The following PCGF5 variants were observed in gnomAD, a reference collection of about 807,000 sequenced individuals.
PCGF5 encodes the protein polycomb group ring finger 5.
In PCGF5, 9 loss-of-function variants were observed where a neutral mutation model predicts 44.3. The observed-to-expected ratio is 0.20, with a 90% confidence interval of 0.12 to 0.35. The LOEUF (loss-of-function observed/expected upper bound fraction) is 0.35. Among genes scored for constraint, PCGF5 ranks in the 10% least tolerant of loss-of-function variants. PCGF5 has a pLI of 1.00. For missense variants in PCGF5, 146 were observed against 305.3 expected, an observed-to-expected ratio of 0.48 and a Z score of 3.89; for synonymous variants, 95 against 102.5, an observed-to-expected ratio of 0.93 and a Z score of 0.44.
intron 1 of PCGF5, among the ~76,000 whole-genome samples, chr10:91,208,253 T>C (rs1229550858): frequency 6.6e-6 from 1 of 152,236 alleles, no homozygotes; most frequent in Non-Finnish European, 1.5e-5. Flanking sequence ...GTTGTAAATA[T>C]GGACTCATGG....
chr10:91,167,762 G>A lies in PCGF5; in HGVS notation c.-184+4681G>A, dbSNP rs1189798859. On this transcript the variant is annotated intron_variant, in intron 1 of 9. Coordinates refer to the PCGF5 transcript ENST00000614189. The stretch of plus-strand genomic sequence containing the variant: ...GGGGGAATGATGTGATCAAGACTAT[G>A]CTTTAAGAGATTAATCTTCATCACA... Among the ~76,000 whole-genome samples, 9 of 152,312 alleles carry A rather than the reference G, an allele frequency of 5.9e-5. No homozygotes were observed. The East Asian group carries it at 1.2e-3, about 20-fold the overall frequency.
At chr10:91,224,294 A>T (rs1363236712) in intron 2 of PCGF5, among the ~76,000 whole-genome samples, 1 of 152,174 alleles carries the variant, frequency 6.6e-6, no homozygotes, top group Non-Finnish European at 1.5e-5. Flanking sequence ...ATTAGCAATT[A>T]ACTATGTACT....
chr10:91,271,027 T>C (rs1846168048), intron 8 of PCGF5, among the ~76,000 whole-genome samples: 1 of 151,084 alleles, frequency 6.6e-6, no homozygotes, highest in Admixed American at 6.6e-5. Context: ...TCATAAAACA[T>C]CTGATGGCTG....
rs546360469 is a variant in PCGF5, at chr10:91,251,419, A to G, written c.453A>G (p.Gln151=). 63 of 1,611,330 alleles carry G rather than the reference A, an allele frequency of 3.9e-5. 1 individual carries two copies. The highest frequency in any genetic ancestry group is 2.5e-4 in the African/African-American group (19 of 74,884). Residue 151 remains glutamine (Q), a synonymous_variant, in exon 6 of 10, where the codon CAA becomes CAG. Coordinates refer to ENST00000336126, the MANE Select transcript of PCGF5 (RefSeq NM_032373.5). ...ICLDCLRNNG[Q]SGDNVVKGLM... is the part of the protein sequence containing the mutation. ...TAGATTGTTTACGAAATAATGGGCA[A>G]TCAGGGGACAATGTAGTAAAGGTGA...
intron 3 of PCGF5, among the ~76,000 whole-genome samples, chr10:91,242,253 C>G (rs1845346760): frequency 6.6e-6 from 1 of 150,924 alleles, no homozygotes; most frequent in Non-Finnish European, 1.5e-5. Context: ...CAAAATTTAT[C>G]CAGCCTCAAA....
intron 1 of PCGF5, among the ~76,000 whole-genome samples, chr10:91,174,597 T>C (rs1230247921): frequency 6.6e-6 from 1 of 152,232 alleles, no homozygotes; most frequent in Non-Finnish European, 1.5e-5. Context: ...AATTAATAGA[T>C]TAAAAATAGA....
intron 6 of PCGF5, 141 bp downstream of exon 6, chr10:91,251,581 C>CATGCTTAGAATGTCA (rs1315763492): frequency 2.4e-6 from 2 of 834,042 alleles, no homozygotes; most frequent in African/African-American, 3.5e-5. Flanking sequence ...CATTCTTTGA[C>CATGCTTAGAATGTCA]AATCCTATGC....
Position 91,222,949 on chromosome 10 carries a change from C to T in PCGF5, c.78C>T (p.Ile26=), listed in dbSNP as rs1458404474. 6.2e-7 allele frequency: 1 copy of T among 1,610,970 alleles called. No homozygotes were observed. The highest frequency in any genetic ancestry group is 8.5e-7 in the Non-Finnish European group (1 of 1,177,110). ...ITCYICKGYL[I]KPTTVTECLH... The stretch of plus-strand genomic sequence containing the variant: ...GCTATATCTGTAAAGGGTATCTGAT[C>T]AAGCCAACAACAGTGACGGAATGCC... The change falls in exon 2 of 10, where the codon ATC becomes ATT. Residue 26 remains isoleucine (I), a synonymous_variant. Transcript: ENST00000336126.
intron 1 of PCGF5, among the ~76,000 whole-genome samples, chr10:91,167,909 C>G (rs1011758302): frequency 2.0e-5 from 3 of 152,108 alleles, no homozygotes; most frequent in African/African-American, 7.2e-5. Flanking sequence ...TAAAACAGAA[C>G]TTGTTGGCAA....
intron 6 of PCGF5, among the ~76,000 whole-genome samples, chr10:91,254,709 T>C (rs1193235766): frequency 6.6e-6 from 1 of 152,068 alleles, no homozygotes; most frequent in Non-Finnish European, 1.5e-5. Context: ...GCTTTTATAA[T>C]ACAGAAGTCA....
intron 1 of PCGF5, chr10:91,163,122 G>C (rs1399190419): frequency 6.7e-6 from 1 of 149,770 alleles, no homozygotes; most frequent in African/African-American, 2.4e-5. Flanking sequence ...TTCCCCGCCC[G>C]ACGCGGCCCA....
chr10:91,164,247 G>C (rs1843454655), intron 1 of PCGF5, among the ~76,000 whole-genome samples: 1 of 152,102 alleles, frequency 6.6e-6, no homozygotes, highest in Non-Finnish European at 1.5e-5. Flanking sequence ...ATAACTTGTG[G>C]GGGGGTCAGG....
At chr10:91,226,786 A>G (rs1844852110) in intron 2 of PCGF5, among the ~76,000 whole-genome samples, 1 of 152,200 alleles carries the variant, frequency 6.6e-6, no homozygotes, top group Admixed American at 6.5e-5. Flanking sequence ...GATGCAAAAA[A>G]TCACATCATC....
At chr10:91,263,556 T>C (rs1845975342) in intron 7 of PCGF5, among the ~76,000 whole-genome samples, 1 of 152,180 alleles carries the variant, frequency 6.6e-6, no homozygotes, top group African/African-American at 2.4e-5. Flanking sequence ...AATGAAATCT[T>C]TCCAGTTTGT....
rs984606269 is a variant in PCGF5, at chr10:91,202,769, C to G, written c.-183-19920C>G. 8.0e-4 allele frequency among the ~76,000 whole-genome samples: 121 copies of G among 151,976 alleles called. 1 individual carries two copies. Among genetic ancestry groups the G allele is most frequent in the African/African-American group, 2.7e-3 (111 of 41,342 alleles). On this transcript the variant is annotated intron_variant, in intron 1 of 9. Transcript: ENST00000614189. The stretch of plus-strand genomic sequence containing the variant: ...AATGTTGGGGCAAGGGGTAGTTAGG[C>G]GAAAAGATTGGCCATTTATGCTATA...
intron 1 of PCGF5, among the ~76,000 whole-genome samples, chr10:91,171,094 A>C (rs1262969418): frequency 6.6e-6 from 1 of 152,224 alleles, no homozygotes; most frequent in African/African-American, 2.4e-5. Context: ...TGGAGGAGGG[A>C]TGAACAGGTA....
intron 2 of PCGF5, among the ~76,000 whole-genome samples, chr10:91,228,371 A>T (rs1458644371): frequency 2.0e-5 from 3 of 152,082 alleles, no homozygotes; most frequent in Non-Finnish European, 4.4e-5. Context: ...GAATCTAGTG[A>T]TTCTTTCCTC....
intron 9 of PCGF5, among the ~76,000 whole-genome samples, chr10:91,272,977 G>A (rs1370930842): frequency 6.6e-6 from 1 of 152,172 alleles, no homozygotes; most frequent in Non-Finnish European, 1.5e-5. Context: ...AGAATCACTT[G>A]AAATTGCTAA....
At chr10:91,216,182 T>C (rs1050497731), upstream of PCGF5, among the ~76,000 whole-genome samples, 1 of 152,156 alleles carries the variant, frequency 6.6e-6, no homozygotes, top group Non-Finnish European at 1.5e-5. Context: ...TTTGAGAGGA[T>C]AAATGTGAGT....
Sources: gnomAD v4.1 joint callset for allele counts (sites outside exome capture counted in the v4.1 genomes callset) on GRCh38, gnomAD v4.1.1 for gene constraint, MANE v1.5 for transcripts, NCBI Gene and HGNC (gene_info 2026-07-23, HGNC 2026-07-21) for gene names.